Variants in NTRK1 observed in about 807,000 individuals in gnomAD.
NTRK1 encodes the protein neurotrophic receptor tyrosine kinase 1, also known as high affinity nerve growth factor receptor.
In NTRK1, 62 loss-of-function variants were observed where a neutral mutation model predicts 86.8. That is an observed-to-expected ratio of 0.71 (90% CI 0.58 to 0.88). The LOEUF (loss-of-function observed/expected upper bound fraction) is 0.88, where lower values mean the gene tolerates loss of function less well. Among genes scored for constraint, NTRK1 ranks in the 40% least tolerant of loss-of-function variants. NTRK1 has a pLI of 0.00. For missense variants in NTRK1, 967 were observed against 1,078.4 expected, an observed-to-expected ratio of 0.90 and a Z score of 1.45; for synonymous variants, 469 against 456.6, an observed-to-expected ratio of 1.03 and a Z score of -0.35.
rs557850804 is a variant in NTRK1 at position 156,850,249 on chromosome 1, TCACCCAGG to T, written c.50+8058_50+8065del. Among the ~76,000 whole-genome samples, 6 of 152,210 alleles carry T rather than the reference TCACCCAGG, an allele frequency of 3.9e-5. No homozygotes were observed. The East Asian group carries it at 1.2e-3, about 29-fold the overall frequency. ...TGTTTTGAGCTGGAGTCTCCCTCTG[TCACCCAGG>T]CTGCAGTGTAGTGGCACGATCTCAG... On this transcript the variant is annotated intron_variant, in intron 2 of 16. Transcript: ENST00000392302.
Position 156,868,263 on chromosome 1 carries a change from G to A in NTRK1, c.574+14G>A, listed in dbSNP as rs2102893550. 6.2e-7 allele frequency: 1 copy of A among 1,606,106 alleles called. No homozygotes were observed. The highest frequency in any genetic ancestry group is 8.5e-7 in the Non-Finnish European group (1 of 1,179,868). On this transcript the variant is annotated intron_variant, in intron 5 of 16. Coordinates refer to ENST00000524377, the MANE Select transcript of NTRK1 (RefSeq NM_002529.4). ...ATGCCAGCTGTGGTAGGTGCCGGGT[G>A]AGGGAGGTGGTGTAAGGGGGCTGGG...
chr1:156,881,349 C>G, intron 16 of NTRK1, 108 bp from the exon 17 acceptor site: 2 of 1,070,828 alleles, frequency 1.9e-6, no homozygotes, highest in South Asian at 1.6e-5. Flanking sequence ...GAAGCCCAGA[C>G]GAGTAGTGTG....
At chr1:156,858,741 G>A (rs1571678677), upstream of NTRK1, 3 of 790,494 alleles carry the variant, frequency 3.8e-6, no homozygotes, top group South Asian at 2.9e-5. Context: ...GAGGGCAGGG[G>A]CAGAGAGACA....
At chr1:156,872,497 T>A (rs1647619126) in intron 7 of NTRK1, among the ~76,000 whole-genome samples, 1 of 150,012 alleles carries the variant, frequency 6.7e-6, no homozygotes, top group South Asian at 2.1e-4. Flanking sequence ...TCATTCAACA[T>A]TATATTTATA....
chr1:156,816,745 G>T, intron 1 of NTRK1: 1 of 1,564,714 alleles, frequency 6.4e-7, no homozygotes, highest in Non-Finnish European at 8.7e-7. Context: ...AGCAGGGTGT[G>T]TGTATGTGTT....
rs137994522 is a variant in NTRK1 at position 156,873,722 on chromosome 1, C to A, written c.940C>A (p.Arg314Ser). 2 of 1,612,668 alleles carry A rather than the reference C, an allele frequency of 1.2e-6. No individual in the cohort carries two copies. The highest frequency in any genetic ancestry group is 1.7e-6 in the Non-Finnish European group (2 of 1,179,582). ...SVDGQPAPSLRWLFNGSVLNE... is the reference protein window; with the variant it reads ...SVDGQPAPSLSWLFNGSVLNE... ...GGATGGGCAGCCGGCACCGTCTCTG[C>A]GCTGGCTCTTCAATGGCTCCGTGCT... The change falls in exon 8 of 17, where the codon CGC (arginine) becomes AGC (serine). Residue 314 changes from arginine to serine, a missense_variant. Arg to Ser is a moderately radical substitution (Grantham distance 110). Around this residue, in one of 2 missense-constraint regions of NTRK1, gnomAD observed 637 missense variants for 776.5 expected, o/e 0.82. Coordinates refer to ENST00000524377, the MANE Select transcript of NTRK1 (RefSeq NM_002529.4).
chr1:156,833,512 G>A (rs1022377022), intron 1 of NTRK1, among the ~76,000 whole-genome samples: 6 of 151,026 alleles, frequency 4.0e-5, no homozygotes, highest in African/African-American at 1.2e-4. Context: ...AGCTGAAATC[G>A]CACCACTGCA....
chr1:156,843,344 C>G, intron 2 of NTRK1: 1 of 1,572,194 alleles, frequency 6.4e-7, no homozygotes, highest in Non-Finnish European at 8.8e-7. Context: ...CTATCTTCTG[C>G]AAGAAGGTCT....
chr1:156,842,213 A>T (rs1483213055), intron 2 of NTRK1: 1 of 1,614,016 alleles, frequency 6.2e-7, no homozygotes, highest in Non-Finnish European at 8.5e-7. Flanking sequence ...GCCGTCTGCA[A>T]TCTCACCAGC....
At chr1:156,849,095 G>C (rs1352775375) in intron 2 of NTRK1, 1 of 1,602,118 alleles carries the variant, frequency 6.2e-7, no homozygotes. Context: ...CCAGCTGCTT[G>C]AGCGCCCACC....
chr1:156,842,069 T>TGC lies in NTRK1; in HGVS notation c.-63-12_-63-11insGC, dbSNP rs1260292262. ...CTGATGCCTAGCTTAAGGGAGTCTC[T>TGC]CTACTTTTCAGGCCGCCCTCATCTG... On this transcript the variant is annotated splice_polypyrimidine_tract_variant and intron_variant, in intron 1 of 16. Coordinates refer to the NTRK1 transcript ENST00000392302. The TGC allele has an allele frequency of 2.5e-6, 4 of 1,611,540 alleles. No homozygotes were observed. In the Admixed American group the frequency reaches 6.7e-5, roughly 27 times the overall value.
chr1:156,826,575 C>T (rs1456747609), intron 1 of NTRK1, among the ~76,000 whole-genome samples: 1 of 152,136 alleles, frequency 6.6e-6, no homozygotes, highest in Non-Finnish European at 1.5e-5. Flanking sequence ...AGGCATGAGC[C>T]ACTGTGCCCG....
rs2102912535 is a variant in NTRK1, at chr1:156,875,018, G to A, written c.1354+10G>A. 1 of 1,563,950 alleles carries A rather than the reference G, an allele frequency of 6.4e-7. No individual in the cohort carries two copies. Among genetic ancestry groups the A allele is most frequent in the Non-Finnish European group, 8.8e-7 (1 of 1,134,360 alleles). On this transcript the variant is annotated intron_variant, in intron 11 of 16. Coordinates refer to ENST00000524377, the MANE Select transcript of NTRK1 (RefSeq NM_002529.4). ...AAGTTTGGGATCAACCGTGAGTCGGGGCTGCAGAGGGCTGTCTGTCTGTCT... is the reference window on the plus strand; with the variant it reads ...AAGTTTGGGATCAACCGTGAGTCGGAGCTGCAGAGGGCTGTCTGTCTGTCT...
Position 156,876,295 on chromosome 1 carries a change from C to T in NTRK1, c.1632+85C>T, listed in dbSNP as rs1647901236. ...CATCAGGACAGAGTGGGGGGAGATGCAGAGGGCTGACATGGCTGGATACCG... is the reference window on the plus strand; with the variant it reads ...CATCAGGACAGAGTGGGGGGAGATGTAGAGGGCTGACATGGCTGGATACCG... On this transcript the variant is annotated intron_variant, in intron 13 of 16. Coordinates refer to ENST00000524377, the MANE Select transcript of NTRK1 (RefSeq NM_002529.4). 3 of 1,609,956 alleles carry T rather than the reference C, an allele frequency of 1.9e-6. No homozygotes were observed. In the East Asian group the frequency reaches 6.7e-5, roughly 36 times the overall value.
At chr1:156,859,038 C>T (rs978051850), upstream of NTRK1, 1 of 182,078 alleles carries the variant, frequency 5.5e-6, no homozygotes, top group Non-Finnish European at 1.2e-5. This position sits in a 1 kb window ranked among gnomAD's most constrained non-coding sequence, Gnocchi z 6.2. Context: ...GCGTGGGACT[C>T]CGCAGGGAGA....
chr1:156,846,515 C>T (rs777039062), intron 2 of NTRK1: 2 of 1,611,184 alleles, frequency 1.2e-6, no homozygotes, highest in South Asian at 1.1e-5. Flanking sequence ...CTCCAAATGC[C>T]TACCTGCAGG....
chr1:156,846,483 G>T (rs747954450), intron 2 of NTRK1: 63 of 1,521,554 alleles, frequency 4.1e-5, no homozygotes, highest in Non-Finnish European at 2.0e-5. Context: ...ATGGATGCAG[G>T]CGTCTGACTG....
chr1:156,830,617 C>T (rs1459117748), intron 1 of NTRK1, among the ~76,000 whole-genome samples: 1 of 141,996 alleles, frequency 7.0e-6, no homozygotes, highest in Non-Finnish European at 1.5e-5. Flanking sequence ...AGTGAAGTGG[C>T]GTGATCTCTG....
rs996404584 is a variant in NTRK1, at chr1:156,854,971, A to G, written c.51-9383A>G. On this transcript the variant is annotated intron_variant, in intron 2 of 16. Transcript: ENST00000392302. The surrounding 1 kb of genome is among the most constrained non-coding windows in gnomAD (Gnocchi z 4.2). ...CCTCTCTGATTTCATCCTTTTTATC[A>G]TCTTCAGCCACATTGACTTCTTTGC... Among the ~76,000 whole-genome samples the G allele has an allele frequency of 2.0e-5, 3 of 152,056 alleles. No individual in the cohort carries two copies. The highest frequency in any genetic ancestry group is 7.3e-5 in the African/African-American group (3 of 41,372).
Sources: gnomAD v4.1 joint callset for allele counts (sites outside exome capture counted in the v4.1 genomes callset) on GRCh38, gnomAD v4.1.1 for gene constraint, gnomAD v4.1.1 regional missense constraint, Gnocchi (gnomAD v3.1) non-coding constraint, MANE v1.5 for transcripts, NCBI Gene and HGNC (gene_info 2026-07-23, HGNC 2026-07-21) for gene names.